SRD5A2: variants seen among roughly 807,000 people sequenced by gnomAD.
The protein encoded by SRD5A2 is 3-oxo-5-alpha-steroid 4-dehydrogenase 2.
SRD5A2 carries 30 observed loss-of-function variants against 27.4 expected under a neutral mutation model. That is an observed-to-expected ratio of 1.10 (90% CI 0.82 to 1.49). SRD5A2 has a LOEUF of 1.49. Among genes scored for constraint, SRD5A2 ranks in the 40% most tolerant of loss-of-function variants. SRD5A2 has a pLI of 0.00. For missense variants in SRD5A2, 348 were observed against 323.4 expected (o/e 1.08, Z -0.58); for synonymous variants, 141 against 133.6 (o/e 1.06, Z -0.38).
At chr2:31,646,097 C>CT in the SRD5A2 span, among the ~76,000 whole-genome samples, 1 of 152,044 alleles carries the variant, frequency 6.6e-6, no homozygotes. Flanking sequence ...ATAAACATGA[C>CT]TTTTCAGTTG....
chr2:31,600,169 C>G, the SRD5A2 span, among the ~76,000 whole-genome samples: 1 of 151,914 alleles, frequency 6.6e-6, no homozygotes, highest in Non-Finnish European at 1.5e-5. Flanking sequence ...GATCTTGTTC[C>G]TTTTTATGGC....
intron 1 of SRD5A2, among the ~76,000 whole-genome samples, chr2:31,564,435 T>C (rs1020861311): frequency 1.3e-5 from 2 of 151,578 alleles, no homozygotes; most frequent in African/African-American, 2.4e-5. Flanking sequence ...TTAATATACA[T>C]GTAGGTCTCA....
At chr2:31,657,915 A>T in the SRD5A2 span, among the ~76,000 whole-genome samples, 3 of 152,102 alleles carry the variant, frequency 2.0e-5, no homozygotes, top group African/African-American at 4.8e-5. Flanking sequence ...AACTTAGAAG[A>T]AATACAAACA....
chr2:31,617,973 G>T, the SRD5A2 span, among the ~76,000 whole-genome samples: 1 of 152,014 alleles, frequency 6.6e-6, no homozygotes, highest in Non-Finnish European at 1.5e-5. Context: ...TGGTACCAAG[G>T]TACTGTATTA....
At chr2:31,566,150 C>T (rs551410921) in intron 1 of SRD5A2, among the ~76,000 whole-genome samples, 5 of 152,050 alleles carry the variant, frequency 3.3e-5, no homozygotes, top group African/African-American at 1.2e-4. Flanking sequence ...AATTAAAATA[C>T]ATGAAATAAA....
chr2:31,581,326 C>A (rs1172409466), upstream of SRD5A2, among the ~76,000 whole-genome samples: 1 of 152,132 alleles, frequency 6.6e-6, no homozygotes, highest in Non-Finnish European at 1.5e-5. Context: ...CCACGCAGTC[C>A]CACCCTCGAA....
At chr2:31,594,867 C>T in the SRD5A2 span, among the ~76,000 whole-genome samples, 10 of 152,002 alleles carry the variant, frequency 6.6e-5, no homozygotes, top group South Asian at 2.1e-4. Flanking sequence ...TCTGTCATAC[C>T]GCAGTAGAAT....
At chr2:31,634,245 G>C in the SRD5A2 span, among the ~76,000 whole-genome samples, 1 of 152,070 alleles carries the variant, frequency 6.6e-6, no homozygotes, top group Non-Finnish European at 1.5e-5. Context: ...TAACAGACTG[G>C]ACAGTTTTAA....
In SRD5A2 at chr2:31,526,023, AGGAG is replaced by A. The variant is rs1665770390; in HGVS notation, c.*169_*172del. The A allele has an allele frequency of 1.9e-6, 1 of 518,198 alleles. No homozygotes were observed. The highest frequency in any genetic ancestry group is 2.0e-5 in the African/African-American group (1 of 50,964). The allele number at this position is 518,198 out of a possible 1,614,324, so 32.1% of individuals were successfully genotyped here. ...TCAGGATAGGGGTCCCTGGAAGGGT[AGGAG>A]TAAACTCTAAGCAGACACCACTCAG... On this transcript the variant is annotated 3_prime_UTR_variant, in exon 5 of 5. Coordinates refer to ENST00000622030, the MANE Select transcript of SRD5A2 (RefSeq NM_000348.4).
intron 1 of SRD5A2, among the ~76,000 whole-genome samples, chr2:31,548,482 C>T (rs1242061333): frequency 5.3e-5 from 8 of 152,256 alleles, no homozygotes; most frequent in Admixed American, 1.3e-4. Flanking sequence ...TGAAAAGATG[C>T]TCAACATCAC....
At chr2:31,572,879 T>C (rs1213732246) in intron 1 of SRD5A2, among the ~76,000 whole-genome samples, 1 of 152,076 alleles carries the variant, frequency 6.6e-6, no homozygotes, top group Non-Finnish European at 1.5e-5. Flanking sequence ...CTTAACAATA[T>C]GGAGCAAATA....
At chr2:31,541,359 G>C (rs1193077030) in intron 1 of SRD5A2, among the ~76,000 whole-genome samples, 1 of 150,410 alleles carries the variant, frequency 6.6e-6, no homozygotes, top group Non-Finnish European at 1.5e-5. Flanking sequence ...AAAACACAAG[G>C]CATTCAAAAA....
At chr2:31,551,191 A>C (rs908905793) in intron 1 of SRD5A2, among the ~76,000 whole-genome samples, 1 of 152,118 alleles carries the variant, frequency 6.6e-6, no homozygotes, top group Non-Finnish European at 1.5e-5. Flanking sequence ...AAGAATTAAT[A>C]AAATAAATTA....
rs142834620 is a variant in SRD5A2 at position 31,567,040 on chromosome 2, T to C, written c.281+13580A>G. ...CCATATATTTATTTCCATACACAGA[T>C]ATAGTCCATGCAACTAATATTTTTG... On this transcript the variant is annotated intron_variant, in intron 1 of 4. Transcript: ENST00000622030. Among the ~76,000 whole-genome samples the C allele has an allele frequency of 1.6e-4, 24 of 152,286 alleles. No individual in the cohort carries two copies. In the East Asian group the frequency reaches 4.2e-3, roughly 27 times the overall value.
intron 1 of SRD5A2, among the ~76,000 whole-genome samples, chr2:31,541,866 C>T (rs556139866): frequency 1.0e-3 from 156 of 152,298 alleles, no homozygotes; most frequent in African/African-American, 3.5e-3. Context: ...TCAGCCAATG[C>T]CAACACACAC....
At chr2:31,578,522 T>C (rs1667006461) in intron 1 of SRD5A2, among the ~76,000 whole-genome samples, 1 of 152,194 alleles carries the variant, frequency 6.6e-6, no homozygotes, top group African/African-American at 2.4e-5. Flanking sequence ...TCAGAGTGTT[T>C]GGCACACAGA....
At chr2:31,661,126 T>C in the SRD5A2 span, among the ~76,000 whole-genome samples, 1 of 152,108 alleles carries the variant, frequency 6.6e-6, no homozygotes, top group Admixed American at 6.6e-5. Context: ...GGCAGTAAAA[T>C]AGGAATGAAG....
At chr2:31,590,339 C>T in the SRD5A2 span, among the ~76,000 whole-genome samples, 4 of 152,264 alleles carry the variant, frequency 2.6e-5, no homozygotes, top group African/African-American at 9.6e-5. Flanking sequence ...TGTTTGTATC[C>T]TCTTTTATTT....
chr2:31,622,413 A>G, the SRD5A2 span, among the ~76,000 whole-genome samples: 8 of 152,110 alleles, frequency 5.3e-5, no homozygotes, highest in Non-Finnish European at 8.8e-5. Flanking sequence ...TTCTATTATA[A>G]ATAGTGCTTC....
Sources: gnomAD v4.1 joint callset for allele counts (sites outside exome capture counted in the v4.1 genomes callset) on GRCh38, gnomAD v4.1.1 for gene constraint, MANE v1.5 for transcripts, NCBI Gene and HGNC (gene_info 2026-07-23, HGNC 2026-07-21) for gene names.